The following TRPM6 variants were observed in gnomAD, a reference collection of about 807,000 sequenced individuals.
TRPM6 encodes the protein channel kinase 2.
Under a neutral mutation model 247.6 loss-of-function variants are expected in TRPM6, and 111 were observed. That is an observed-to-expected ratio of 0.45 (90% CI 0.38 to 0.52). The LOEUF (loss-of-function observed/expected upper bound fraction) is 0.52. Ranked by LOEUF, TRPM6 falls within the 20% of genes least tolerant of loss-of-function variation. The pLI, the probability that TRPM6 is intolerant of heterozygous loss-of-function variation, is 0.00. For missense variants in TRPM6, 2,126 were observed against 2,421.5 expected (o/e 0.88, Z 2.56); for synonymous variants, 892 against 853.8 (o/e 1.04, Z -0.78).
intron 13 of TRPM6, 126 bp from the exon 14 acceptor site, chr9:74,808,300 A>G (rs1828605796): frequency 8.3e-7 from 1 of 1,205,480 alleles, no homozygotes; most frequent in South Asian, 1.3e-5. Context: ...ATCTTTACAA[A>G]CTGATTAATT....
intron 13 of TRPM6, 97 bp from the exon 14 acceptor site, chr9:74,808,271 G>A (rs866083540): frequency 2.1e-6 from 3 of 1,453,594 alleles, no homozygotes; most frequent in East Asian, 2.3e-5. Context: ...TTGCAAGAAG[G>A]TAGACATACC....
intron 25 of TRPM6, among the ~76,000 whole-genome samples, chr9:74,769,208 C>A (rs867638676): frequency 5.9e-5 from 9 of 152,096 alleles, no homozygotes; most frequent in Admixed American, 2.6e-4. Flanking sequence ...TGCAGTGGTG[C>A]GATTTCAGCT....
At chr9:74,808,375 T>C (rs1828608645) in intron 13 of TRPM6, among the ~76,000 whole-genome samples, 1 of 152,196 alleles carries the variant, frequency 6.6e-6, no homozygotes, top group Non-Finnish European at 1.5e-5. Context: ...CTTAATGTTT[T>C]CTCATTTCAT....
At chr9:74,836,793 C>A (rs1054848342) in intron 5 of TRPM6, among the ~76,000 whole-genome samples, 1 of 152,206 alleles carries the variant, frequency 6.6e-6, no homozygotes, top group Non-Finnish European at 1.5e-5. Context: ...AGCTTTATCA[C>A]TTCTTTCTAC....
intron 1 of TRPM6, among the ~76,000 whole-genome samples, chr9:74,869,744 AAG>A (rs1434142680): frequency 1.3e-5 from 2 of 152,170 alleles, no homozygotes; most frequent in African/African-American, 2.4e-5. Flanking sequence ...AGTCAACAAA[AAG>A]AGAGAGAATG....
At chr9:74,769,852 A>C (rs937056071) in intron 25 of TRPM6, among the ~76,000 whole-genome samples, 7 of 151,892 alleles carry the variant, frequency 4.6e-5, no homozygotes, top group East Asian at 1.9e-4. Context: ...TGTCCATATA[A>C]CTAGTAAGTG....
intron 9 of TRPM6, among the ~76,000 whole-genome samples, chr9:74,818,298 T>C (rs1040431395): frequency 4.3e-5 from 6 of 141,044 alleles, no homozygotes; most frequent in South Asian, 4.6e-4. Context: ...CATTTCTTTT[T>C]TTTTTTTTTT....
Position 74,808,056 on chromosome 9 carries a change from T to C in TRPM6, c.1616A>G (p.Asn539Ser). 1 of 1,613,948 alleles carries C rather than the reference T, an allele frequency of 6.2e-7. No homozygotes were observed. The highest frequency in any genetic ancestry group is 8.5e-7 in the Non-Finnish European group (1 of 1,179,904). Residue 539 changes from asparagine (N) to serine (S), a missense_variant, in exon 14 of 39, where the codon AAC (asparagine) becomes AGC (serine). Physicochemically the swap from Asn to Ser is conservative, Grantham distance 46. Coordinates refer to ENST00000360774, the MANE Select transcript of TRPM6 (RefSeq NM_017662.5). ...TACCTTGTATTTTCTGTAGAGGTTG[T>C]TGTAGAGGGCTCTGAAATGTTTTCT... ...YTRKHFRALY[N>S]NLYRKYKHQR...
chr9:74,747,993 G>T, intron 30 of TRPM6, 79 bp from the exon 31 acceptor site: 1 of 1,265,164 alleles, frequency 7.9e-7, no homozygotes, highest in Non-Finnish European at 1.2e-6. Flanking sequence ...AACAGCACAT[G>T]GAACAGTAAC....
intron 31 of TRPM6, among the ~76,000 whole-genome samples, chr9:74,744,649 G>C (rs1319766803): frequency 6.6e-6 from 1 of 152,180 alleles, no homozygotes; most frequent in Non-Finnish European, 1.5e-5. Context: ...AGCACCAAGA[G>C]ATTTGTTTGG....
At chr9:74,810,955 C>A (rs1828709810) in intron 12 of TRPM6, 87 bp from the exon 13 acceptor site, 7 of 991,350 alleles carry the variant, frequency 7.1e-6, no homozygotes, top group Middle Eastern at 2.1e-4. Context: ...GCATAAGTAA[C>A]TGAGAATACT....
intron 17 of TRPM6, 31 bp from the exon 18 acceptor site, chr9:74,796,924 G>T (rs947041295): frequency 1.3e-6 from 2 of 1,590,510 alleles, no homozygotes. Flanking sequence ...AAACAAAGTA[G>T]TAGGGACTAC....
At chr9:74,754,877 C>T (rs1826383794) in intron 28 of TRPM6, among the ~76,000 whole-genome samples, 1 of 152,206 alleles carries the variant, frequency 6.6e-6, no homozygotes, top group South Asian at 2.1e-4. Context: ...ATCTTCTCTC[C>T]TCTACAAACA....
chr9:74,808,872 A>G (rs779387319), intron 13 of TRPM6, among the ~76,000 whole-genome samples: 4 of 152,250 alleles, frequency 2.6e-5, no homozygotes, highest in African/African-American at 4.8e-5. Context: ...TTAATCCAGT[A>G]TAGACAGTAT....
intron 30 of TRPM6, among the ~76,000 whole-genome samples, chr9:74,748,385 AG>A (rs1477059677): frequency 1.3e-5 from 2 of 152,138 alleles, no homozygotes; most frequent in Non-Finnish European, 1.5e-5. Context: ...TTTCTTTTTA[AG>A]TTAACTGTAA....
chr9:74,784,195 G>A (rs766918095), intron 21 of TRPM6, among the ~76,000 whole-genome samples: 2 of 151,474 alleles, frequency 1.3e-5, no homozygotes, highest in Non-Finnish European at 2.9e-5. Context: ...CGCAGGAAGT[G>A]GAGGTTGCAG....
At chr9:74,800,192 C>T (rs529239714) in intron 17 of TRPM6, 62 bp downstream of exon 17, 10 of 1,460,110 alleles carry the variant, frequency 6.8e-6, no homozygotes, top group Admixed American at 1.7e-5. Flanking sequence ...AAATGTAACT[C>T]GAGTACAGAA....
At position 74,782,447 on chromosome 9, in the gene TRPM6, C is replaced by T; in HGVS notation, c.3124G>A (p.Gly1042Ser). ...TGCAAGAATGGAGTAAGAAAAGAAC[C>T]AGGAGGGCAGGATGGCTGGCTTGAA... ...VCSSQPSCPP[G>S]SFLTPFLQAV... is the part of the protein sequence containing the mutation. Residue 1042 changes from glycine (G) to serine (S), a missense_variant, in exon 23 of 39, where the codon GGT becomes AGT. Gly to Ser is a moderately conservative substitution (Grantham distance 56, BLOSUM62 0). Around this residue, in one of 3 missense-constraint regions of TRPM6, gnomAD observed 1,082 missense variants for 1,307.9 expected, o/e 0.83. Transcript: ENST00000360774. 2 of 1,613,928 alleles carry T rather than the reference C, an allele frequency of 1.2e-6. No individual in the cohort carries two copies. The highest frequency in any genetic ancestry group is 1.7e-6 in the Non-Finnish European group (2 of 1,179,960).
chr9:74,757,324 A>C (rs1404577595), intron 27 of TRPM6, among the ~76,000 whole-genome samples: 1 of 152,176 alleles, frequency 6.6e-6, no homozygotes, highest in Non-Finnish European at 1.5e-5. Flanking sequence ...TTATGCCTGT[A>C]ATCCCAGCAC....
Sources: gnomAD v4.1 joint callset for allele counts (sites outside exome capture counted in the v4.1 genomes callset) on GRCh38, gnomAD v4.1.1 for gene constraint, gnomAD v4.1.1 regional missense constraint, MANE v1.5 for transcripts, NCBI Gene and HGNC (gene_info 2026-07-23, HGNC 2026-07-21) for gene names.